Variants in SUV39H2 observed in about 807,000 individuals in gnomAD.
The protein encoded by SUV39H2 is SUV39H2 histone lysine methyltransferase, also known as histone-lysine N-methyltransferase SUV39H2.
SUV39H2 carries 10 observed loss-of-function variants against 47.5 expected under a neutral mutation model. The ratio of observed to expected loss-of-function variants is 0.21; its 90% CI spans 0.13 to 0.36. The LOEUF is 0.36. Among genes scored for constraint, SUV39H2 ranks in the 10% least tolerant of loss-of-function variants. The probability of loss-of-function intolerance (pLI) is 1.00; values close to 1 mark genes in which losing one functional copy is unlikely to be tolerated. For synonymous variants in SUV39H2, 159 were observed against 166.8 expected (o/e 0.95, Z 0.36); for missense variants, 266 against 487.4 (o/e 0.55, Z 4.28).
intron 3 of SUV39H2, 164 bp downstream of exon 3, chr10:14,897,681 T>C (rs1356165107): frequency 8.9e-6 from 5 of 561,072 alleles, no homozygotes; most frequent in Non-Finnish European, 1.3e-5. Flanking sequence ...CTGGCATATT[T>C]AGAAATAAAA....
At chr10:14,889,174 C>T (rs1833307891) in intron 2 of SUV39H2, among the ~76,000 whole-genome samples, 1 of 151,614 alleles carries the variant, frequency 6.6e-6, no homozygotes, top group Middle Eastern at 3.2e-3. Flanking sequence ...TTCCATGAAT[C>T]CTAGCTTTCA....
At chr10:14,883,557 T>C (rs1833108193) in intron 2 of SUV39H2, among the ~76,000 whole-genome samples, 1 of 151,540 alleles carries the variant, frequency 6.6e-6, no homozygotes, top group South Asian at 2.1e-4. Context: ...ATACAAAAAT[T>C]AGCCGGGCAT....
intron 2 of SUV39H2, among the ~76,000 whole-genome samples, chr10:14,893,992 G>A (rs1320914579): frequency 2.0e-5 from 3 of 152,126 alleles, no homozygotes; most frequent in African/African-American, 7.2e-5. Flanking sequence ...CCAAAAAAAA[G>A]AAAAAGGACC....
At chr10:14,888,358 G>A (rs767204311) in intron 2 of SUV39H2, among the ~76,000 whole-genome samples, 3 of 152,022 alleles carry the variant, frequency 2.0e-5, no homozygotes, top group African/African-American at 4.8e-5. Context: ...AGAGTTGGCC[G>A]GGCGCAGTGG....
At chr10:14,898,897 A>G (rs1376646021) in intron 3 of SUV39H2, 1 of 279,604 alleles carries the variant, frequency 3.6e-6, no homozygotes, top group African/African-American at 2.2e-5. Context: ...CCTGGATCAT[A>G]TTTAGAGCAT....
chr10:14,896,766 T>C, intron 2 of SUV39H2, 80 bp from the exon 3 acceptor site: 6 of 1,256,040 alleles, frequency 4.8e-6, no homozygotes, highest in Non-Finnish European at 6.6e-6. Flanking sequence ...GATACCTTAC[T>C]CTTTAAGATT....
intron 2 of SUV39H2, among the ~76,000 whole-genome samples, chr10:14,890,766 T>G (rs1367812643): frequency 6.6e-6 from 1 of 152,256 alleles, no homozygotes; most frequent in Non-Finnish European, 1.5e-5. Flanking sequence ...GTACTTTGTC[T>G]TCTCATATGT....
At chr10:14,882,864 G>GT (rs869065558) in intron 2 of SUV39H2, among the ~76,000 whole-genome samples, 1,759 of 137,016 alleles carry the variant, frequency 0.013, 13 homozygotes, top group African/African-American at 0.014. Context: ...CCCTATAGGA[G>GT]TTTTTTTTTT....
chr10:14,897,000 C>A lies in SUV39H2; in HGVS notation c.332C>A (p.Thr111Asn), dbSNP rs751086626. The part of the protein sequence containing the change: ...LSQVKKGKAI[T>N]PKDNNKTLKP... Reference sequence around the variant, plus strand: ...CAGGTAAAGAAAGGCAAAGCAATAACTCCAAAAGACAATAACAAAACTTTG... The same window carrying A: ...CAGGTAAAGAAAGGCAAAGCAATAAATCCAAAAGACAATAACAAAACTTTG... Residue 111 changes from threonine to asparagine, a missense_variant, in exon 3 of 6, where the codon ACT (threonine) becomes AAT (asparagine). Thr to Asn is a moderately conservative substitution (Grantham distance 65, BLOSUM62 0). Transcript: ENST00000354919. The A allele has an allele frequency of 6.2e-7, 1 of 1,614,056 alleles. No homozygotes were observed. The highest frequency in any genetic ancestry group is 2.2e-5 in the East Asian group (1 of 44,868).
intron 2 of SUV39H2, among the ~76,000 whole-genome samples, chr10:14,891,887 T>G (rs1833400947): frequency 6.6e-6 from 1 of 152,172 alleles, no homozygotes; most frequent in African/African-American, 2.4e-5. Context: ...TCTGGGGTGA[T>G]GAGGTTGTCC....
At chr10:14,887,385 C>T (rs377509932) in intron 2 of SUV39H2, among the ~76,000 whole-genome samples, 31 of 152,172 alleles carry the variant, frequency 2.0e-4, no homozygotes, top group African/African-American at 6.7e-4. Flanking sequence ...TACTGTTCAC[C>T]AGGAATACAG....
chr10:14,903,705 A>C lies in SUV39H2; in HGVS notation c.*1193A>C, dbSNP rs1834169875. On this transcript the variant is annotated 3_prime_UTR_variant, in exon 6 of 6. Coordinates refer to ENST00000354919, the MANE Select transcript of SUV39H2 (RefSeq NM_001193424.2). ...CCAACATAGTATTGAATCTCAGGAAAAACTATTCTTTCATGTCTGATTCTG... is the reference window on the plus strand; with the variant it reads ...CCAACATAGTATTGAATCTCAGGAACAACTATTCTTTCATGTCTGATTCTG... 2 of 152,216 alleles carry C rather than the reference A, an allele frequency of 1.3e-5. No homozygotes were observed. The highest frequency in any genetic ancestry group is 2.9e-5 in the Non-Finnish European group (2 of 68,038). The allele number at this position is 152,216 out of a possible 1,614,324, so 9.4% of individuals were successfully genotyped here.
chr10:14,879,249 C>A (rs1832967360), intron 1 of SUV39H2: 3 of 569,632 alleles, frequency 5.3e-6, no homozygotes, highest in Non-Finnish European at 7.2e-6. Context: ...CCCGGCAGTC[C>A]CCGGTTGGAG....
intron 2 of SUV39H2, among the ~76,000 whole-genome samples, chr10:14,894,272 C>G (rs1438482917): frequency 1.4e-5 from 2 of 139,396 alleles, no homozygotes; most frequent in African/African-American, 5.3e-5. Flanking sequence ...CACAGAATTA[C>G]AGTTTTTGTG....
rs35812740 is a variant in SUV39H2 at position 14,894,355 on chromosome 10, G to GTTT, written c.178-2463_178-2461dup. On this transcript the variant is annotated intron_variant, in intron 2 of 5. Transcript: ENST00000354919. ...TGACCAATTTTCAAAAGAAAGCAAA[G>GTTT]TTTTTTTTTTTTTTTTTTTTTTTTT... Among the ~76,000 whole-genome samples the GTTT allele has an allele frequency of 2.4e-3, 139 of 58,082 alleles. 28 individuals carry two copies. The highest frequency in any genetic ancestry group is 0.012 in the East Asian group (20 of 1,696). The allele number at this position is 58,082 out of a possible 152,430, so 38.1% of individuals were successfully genotyped here.
intron 2 of SUV39H2, among the ~76,000 whole-genome samples, chr10:14,885,663 A>G (rs1426261531): frequency 1.2e-4 from 18 of 152,178 alleles, no homozygotes; most frequent in Admixed American, 1.2e-3. Flanking sequence ...TTATGTCCTC[A>G]GTACCCCACA....
Position 14,878,944 on chromosome 10 carries a change from G to A in SUV39H2, c.31+25G>A, listed in dbSNP as rs184647815. On this transcript the variant is annotated intron_variant, in intron 1 of 5. Transcript: ENST00000354919. ...GGTGAGGCTGGAGCGCGGCCCCCTC[G>A]CCTTCCCTGTTCCCAGGCAAGCTCC... The A allele has an allele frequency of 1.9e-3, 2,693 of 1,450,338 alleles. 39 individuals are homozygous for A. In the African/African-American group the frequency reaches 0.031, roughly 17 times the overall value. 89.8% of individuals were successfully genotyped at this position (1,450,338 alleles called of 1,614,324 possible).
intron 1 of SUV39H2, chr10:14,879,878 TC>T (rs1832991944): frequency 6.6e-6 from 1 of 152,068 alleles, no homozygotes; most frequent in Admixed American, 6.6e-5. Flanking sequence ...CGAGAGATTG[TC>T]TTTCTTTTTT....
chr10:14,894,535 T>A (rs1177878029), intron 2 of SUV39H2, among the ~76,000 whole-genome samples: 1 of 111,508 alleles, frequency 9.0e-6, no homozygotes, highest in African/African-American at 5.1e-5. Flanking sequence ...GCCCGGCTAA[T>A]TTTTTGTATT....
Sources: gnomAD v4.1 joint callset for allele counts (sites outside exome capture counted in the v4.1 genomes callset) on GRCh38, gnomAD v4.1.1 for gene constraint, MANE v1.5 for transcripts, NCBI Gene and HGNC (gene_info 2026-07-23, HGNC 2026-07-21) for gene names.